The following BAK1 variants were observed in gnomAD, a reference collection of about 807,000 sequenced individuals.
The protein encoded by BAK1 is BCL2 antagonist/killer 1.
Under a neutral mutation model 24.7 loss-of-function variants are expected in BAK1, and 19 were observed. That is an observed-to-expected ratio of 0.77 (90% CI 0.54 to 1.13). BAK1 has a LOEUF of 1.13. BAK1 is among the 50% of genes most tolerant of loss of function. BAK1 has a pLI of 0.00. For missense variants in BAK1, 194 were observed against 279.4 expected (o/e 0.69, Z 2.18); for synonymous variants, 86 against 107.3 (o/e 0.80, Z 1.23).
rs143676363 is a variant in BAK1 at position 33,576,842 on chromosome 6, G to A, written c.70+693C>T. On this transcript the variant is annotated intron_variant, in intron 2 of 5. Coordinates refer to ENST00000374467, the MANE Select transcript of BAK1 (RefSeq NM_001188.4). ...AAATGGCACAGGGTGTCTGAGTAAC[G>A]TGTGCAAGGTCATACAGCCAGAACA... Among the ~76,000 whole-genome samples, 6 of 152,262 alleles carry A rather than the reference G, an allele frequency of 3.9e-5. No homozygotes were observed. In the East Asian group the frequency reaches 5.8e-4, roughly 15 times the overall value.
At chr6:33,579,461 G>A (rs941079537) in intron 1 of BAK1, among the ~76,000 whole-genome samples, 2 of 152,166 alleles carry the variant, frequency 1.3e-5, no homozygotes, top group African/African-American at 2.4e-5. Context: ...AGTAGGGCTG[G>A]AGGATGCTGA....
chr6:33,574,295 C>G (rs1004616104), intron 4 of BAK1, 81 bp from the exon 5 acceptor site: 5 of 1,537,676 alleles, frequency 3.3e-6, no homozygotes, highest in Non-Finnish European at 4.4e-6. Flanking sequence ...CACCCCTCTC[C>G]CAGCTGGAAG....
chr6:33,579,653 G>A (rs210144), intron 1 of BAK1, among the ~76,000 whole-genome samples: 31,642 of 152,138 alleles, frequency 0.21, 3,693 homozygotes, highest in East Asian at 0.5. Flanking sequence ...GCTGGGCCCC[G>A]ATGAATGTTG....
rs558742403 is a variant in BAK1 at position 33,573,669 on chromosome 6, G to A, written c.*134C>T. The stretch of plus-strand genomic sequence containing the variant: ...ACTGGCCCCCACGCAGGGGCCCTCC[G>A]AAGCTGGAGTGCACACTTGCTAAAG... On this transcript the variant is annotated 3_prime_UTR_variant, in exon 6 of 6. Transcript: ENST00000374467. 14 of 755,278 alleles carry A rather than the reference G, an allele frequency of 1.9e-5. No homozygotes were observed. In the East Asian group the frequency reaches 1.9e-4, roughly 10 times the overall value. The allele number at this position is 755,278 out of a possible 1,614,324, so 46.8% of individuals were successfully genotyped here.
At chr6:33,576,886 GT>G (rs765553729) in intron 2 of BAK1, among the ~76,000 whole-genome samples, 18 of 152,208 alleles carry the variant, frequency 1.2e-4, no homozygotes, top group Non-Finnish European at 2.2e-4. Flanking sequence ...AACCGGGACA[GT>G]CCCGGGCATT....
In BAK1 at chr6:33,579,440, A is replaced by AC; in HGVS notation, c.-32+584dup. ...TCTTCCCCAGTCTCCAGGACCCGGCACCCCCAGGACAGTAGGGCTGGAGGA... is the reference window on the plus strand; with the variant it reads ...TCTTCCCCAGTCTCCAGGACCCGGCACCCCCCAGGACAGTAGGGCTGGAGGA... On this transcript the variant is annotated intron_variant, in intron 1 of 5. Coordinates refer to ENST00000374467, the MANE Select transcript of BAK1 (RefSeq NM_001188.4). Among the ~76,000 whole-genome samples the AC allele has an allele frequency of 2.6e-5, 4 of 151,810 alleles. No homozygotes were observed. In the South Asian group the frequency reaches 8.3e-4, roughly 32 times the overall value.
At position 33,575,647 on chromosome 6, in the gene BAK1, G is replaced by T. The variant is rs1197083823; in HGVS notation, c.206+146C>A. On this transcript the variant is annotated intron_variant, in intron 3 of 5. Coordinates refer to ENST00000374467, the MANE Select transcript of BAK1 (RefSeq NM_001188.4). This position sits in a 1 kb window ranked among gnomAD's most constrained non-coding sequence, Gnocchi z 6.3. ...AAAAGGATACAAGGTCCTGGATGGG[G>T]GTGGGAGCCCAACATAAAAGAGGAG... 4.4e-6 allele frequency: 6 copies of T among 1,368,298 alleles called. No homozygotes were observed. Among genetic ancestry groups the T allele is most frequent in the Non-Finnish European group, 6.0e-6 (6 of 1,003,164 alleles). The allele number at this position is 1,368,298 out of a possible 1,614,324, so 84.8% of individuals were successfully genotyped here. A position where few individuals can be genotyped will look rare whatever the true frequency, so the allele number is the denominator to read the frequency against.
Position 33,572,643 on chromosome 6 carries a change from T to C in BAK1, c.*1160A>G, listed in dbSNP as rs942741406. On this transcript the variant is annotated 3_prime_UTR_variant, in exon 6 of 6. Transcript: ENST00000374467. Reference sequence around the variant, plus strand: ...CCTCCCCTCCCTGCATTTGGCTGAATCAAGAACTTCTCCCCCCTGACCCCC... The same window carrying C: ...CCTCCCCTCCCTGCATTTGGCTGAACCAAGAACTTCTCCCCCCTGACCCCC... The C allele has an allele frequency of 1.3e-5, 2 of 152,574 alleles. No individual in the cohort carries two copies. Among genetic ancestry groups the C allele is most frequent in the African/African-American group, 4.8e-5 (2 of 41,318 alleles). The allele number at this position is 152,574 out of a possible 1,614,324, so 9.5% of individuals were successfully genotyped here.
At chr6:33,574,597 T>A (rs1335564529) in intron 4 of BAK1, 1 of 1,269,420 alleles carries the variant, frequency 7.9e-7, no homozygotes, top group East Asian at 5.1e-5. Flanking sequence ...CACAGTGGTA[T>A]GAAGGCTGGC....
rs759941625 is a variant in BAK1 at position 33,574,077 on chromosome 6, A to G, written c.488T>C (p.Leu163Pro). The change falls in exon 5 of 6, where the codon CTG becomes CCG. Residue 163 changes from leucine to proline, a missense_variant. By Grantham distance (98) the Leu-to-Pro change is moderately conservative (BLOSUM62 -3). Coordinates refer to ENST00000374467, the MANE Select transcript of BAK1 (RefSeq NM_001188.4). ...AATCCACCGGGCAATGCAGTGATGC[A>G]GCATGAAGTCGACCACGAAGCGGGT... ...QVTRFVVDFMLHHCIARWIAQ... is the reference protein window; with the variant it reads ...QVTRFVVDFMPHHCIARWIAQ... The G allele has an allele frequency of 1.9e-6, 3 of 1,614,124 alleles. No individual in the cohort carries two copies. In the East Asian group the frequency reaches 6.7e-5, roughly 36 times the overall value.
At position 33,573,110 on chromosome 6, in the gene BAK1, G is replaced by A. The variant is rs1762788903; in HGVS notation, c.*693C>T. On this transcript the variant is annotated 3_prime_UTR_variant, in exon 6 of 6. Coordinates refer to ENST00000374467, the MANE Select transcript of BAK1 (RefSeq NM_001188.4). ...GCAGGCTTGGAGGCTTCTGACACGTGAGTTCAGACAGCTCTGGTCTGCGAC... is the reference window on the plus strand; with the variant it reads ...GCAGGCTTGGAGGCTTCTGACACGTAAGTTCAGACAGCTCTGGTCTGCGAC... 1 of 153,150 alleles carries A rather than the reference G, an allele frequency of 6.5e-6. No individual in the cohort carries two copies. Among genetic ancestry groups the A allele is most frequent in the South Asian group, 2.1e-4 (1 of 4,838 alleles). 9.5% of individuals were successfully genotyped at this position (153,150 alleles called of 1,614,324 possible). A position where few individuals can be genotyped will look rare whatever the true frequency, so the allele number is the denominator to read the frequency against.
At position 33,573,976 on chromosome 6, in the gene BAK1, G is replaced by T; in HGVS notation, c.531+58C>A. On this transcript the variant is annotated intron_variant, in intron 5 of 5. Coordinates refer to ENST00000374467, the MANE Select transcript of BAK1 (RefSeq NM_001188.4). The stretch of plus-strand genomic sequence containing the variant: ...TATAGGAACCCGAGGAAGGGGTGGG[G>T]CCTGGGAGAGGGGCAGCCCCAACAG... The T allele has an allele frequency of 1.9e-6, 3 of 1,613,088 alleles. No homozygotes were observed. The Admixed American group carries it at 5.0e-5, about 27-fold the overall frequency.
rs1762859788 is a variant in BAK1, at chr6:33,577,039, C to G, written c.70+496G>C. On this transcript the variant is annotated intron_variant, in intron 2 of 5. Coordinates refer to ENST00000374467, the MANE Select transcript of BAK1 (RefSeq NM_001188.4). The surrounding 1 kb of genome is among the most constrained non-coding windows in gnomAD (Gnocchi z 4.6). The stretch of plus-strand genomic sequence containing the variant: ...AGTGACAGACCTGGGACCTGATTCC[C>G]AAGTCCAGGGAACAGCCCGCCGTGA... Among the ~76,000 whole-genome samples the G allele has an allele frequency of 6.6e-6, 1 of 152,186 alleles. No individual in the cohort carries two copies. Among genetic ancestry groups the G allele is most frequent in the Non-Finnish European group, 1.5e-5 (1 of 68,028 alleles).
rs1411548219 is a variant in BAK1, at chr6:33,574,058, C to A, written c.507G>T (p.Arg169=). 1 of 1,614,200 alleles carries A rather than the reference C, an allele frequency of 6.2e-7. No individual in the cohort carries two copies. The highest frequency in any genetic ancestry group is 1.7e-5 in the Admixed American group (1 of 60,030). The part of the protein sequence containing the change: ...VDFMLHHCIA[R]WIAQRGGWVA... ...CCCAGCCACCCCTCTGTGCAATCCA[C>A]CGGGCAATGCAGTGATGCAGCATGA... The change falls in exon 5 of 6, where the codon CGG becomes CGT. Residue 169 remains arginine (R), a synonymous_variant. Transcript: ENST00000374467.
In BAK1 at chr6:33,575,868, T is replaced by A; in HGVS notation, c.131A>T (p.Gln44Leu). The A allele has an allele frequency of 6.2e-7, 1 of 1,614,126 alleles. No homozygotes were observed. Among genetic ancestry groups the A allele is most frequent in the South Asian group, 1.1e-5 (1 of 91,082 alleles). The change falls in exon 3 of 6, where the codon CAG becomes CTG. Residue 44 changes from glutamine to leucine, a missense_variant. By Grantham distance (113) the Gln-to-Leu change is moderately radical (BLOSUM62 -2). Coordinates refer to ENST00000374467, the MANE Select transcript of BAK1 (RefSeq NM_001188.4). The surrounding 1 kb of genome is among the most constrained non-coding windows in gnomAD (Gnocchi z 6.3). ...CACCCCTTCAGCCTCCTGTTCCTGC[T>A]GATGGCGGTAAAAAACGTAGCTGCG... ...VFRSYVFYRH[Q>L]QEQEAEGVAA...
At chr6:33,574,557 G>A (rs768910678) in intron 4 of BAK1, 12 of 1,360,802 alleles carry the variant, frequency 8.8e-6, no homozygotes, top group Non-Finnish European at 1.2e-5. Flanking sequence ...GAGAGAAAAG[G>A]ACAGAAAAGA....
intron 2 of BAK1, among the ~76,000 whole-genome samples, chr6:33,576,184 C>T (rs558909118): frequency 4.6e-5 from 7 of 151,842 alleles, no homozygotes; most frequent in East Asian, 1.9e-4. Flanking sequence ...CAAAATTAGC[C>T]GGGTGTGGTG....
rs111358594 is a variant in BAK1, at chr6:33,574,486, G to A, written c.351-272C>T. The A allele has an allele frequency of 1.5e-4, 219 of 1,469,236 alleles. 1 individual carries two copies. The highest frequency in any genetic ancestry group is 6.7e-4 in the African/African-American group (48 of 71,794). The allele number at this position is 1,469,236 out of a possible 1,614,324, so 91.0% of individuals were successfully genotyped here. The stretch of plus-strand genomic sequence containing the variant: ...AGGGCAGAGGGCAGAGCAAGTGGAT[G>A]GAGTCAGCGGGGAGATTACCTGTGG... On this transcript the variant is annotated intron_variant, in intron 4 of 5. Coordinates refer to ENST00000374467, the MANE Select transcript of BAK1 (RefSeq NM_001188.4).
rs1329821837 is a variant in BAK1 at position 33,575,770 on chromosome 6, T to C, written c.206+23A>G. On this transcript the variant is annotated intron_variant, in intron 3 of 5. Coordinates refer to ENST00000374467, the MANE Select transcript of BAK1 (RefSeq NM_001188.4). The surrounding 1 kb of genome is among the most constrained non-coding windows in gnomAD (Gnocchi z 6.3). ...TACTGCCTCCCTGAAGATGTCCTTGTGGGCCCAGCGGTTGTAGCTCACCTG... is the reference window on the plus strand; with the variant it reads ...TACTGCCTCCCTGAAGATGTCCTTGCGGGCCCAGCGGTTGTAGCTCACCTG... The C allele has an allele frequency of 8.7e-6, 14 of 1,610,182 alleles. No homozygotes were observed. Among genetic ancestry groups the C allele is most frequent in the Non-Finnish European group, 1.2e-5 (14 of 1,178,612 alleles).
Sources: gnomAD v4.1 joint callset for allele counts (sites outside exome capture counted in the v4.1 genomes callset) on GRCh38, gnomAD v4.1.1 for gene constraint, Gnocchi (gnomAD v3.1) non-coding constraint, MANE v1.5 for transcripts, NCBI Gene and HGNC (gene_info 2026-07-23, HGNC 2026-07-21) for gene names.